The following ITGA8 variants were observed in gnomAD, a reference collection of about 807,000 sequenced individuals.
The protein encoded by ITGA8 is integrin alpha-8.
Under a neutral mutation model 142.3 loss-of-function variants are expected in ITGA8, and 91 were observed. The observed-to-expected ratio is 0.64, with a 90% CI of 0.54 to 0.76. ITGA8 has a LOEUF of 0.76. Ranked by LOEUF, ITGA8 falls within the 30% of genes least tolerant of loss-of-function variation. The pLI, the probability that ITGA8 is intolerant of heterozygous loss-of-function variation, is 0.00. For missense variants in ITGA8, 1,406 were observed against 1,327.7 expected (o/e 1.06, Z -0.92); for synonymous variants, 505 against 485.2 (o/e 1.04, Z -0.54).
At chr10:15,641,036 T>G (rs551958238) in intron 13 of ITGA8, among the ~76,000 whole-genome samples, 75 of 152,102 alleles carry the variant, frequency 4.9e-4, no homozygotes, top group African/African-American at 1.8e-3. Context: ...CTTGGGAGGG[T>G]AGCTACACAG....
At chr10:15,704,499 C>T (rs1248829102) in intron 2 of ITGA8, among the ~76,000 whole-genome samples, 1 of 152,164 alleles carries the variant, frequency 6.6e-6, no homozygotes, top group Admixed American at 6.5e-5. Context: ...CTCTCAACCA[C>T]GATGGTTTTC....
Position 15,519,315 on chromosome 10 carries a change from G to T in ITGA8, c.3080C>A (p.Ala1027Asp). Residue 1027 changes from alanine (A) to aspartate (D), a missense_variant, in exon 29 of 30, where the codon GCC becomes GAC. Coordinates refer to ENST00000378076, the MANE Select transcript of ITGA8 (RefSeq NM_003638.3). ...LAILLGLLVL[A>D]ILTLALWKCG... ...CTTCCATAAAGCTAAGGTTAAAATG[G>T]CGAGAACCAACAATCCAAGAAGTAT... The T allele has an allele frequency of 6.2e-7, 1 of 1,613,626 alleles. No individual in the cohort carries two copies.
intron 2 of ITGA8, among the ~76,000 whole-genome samples, chr10:15,699,758 C>T (rs568621967): frequency 6.6e-6 from 1 of 152,306 alleles, no homozygotes; most frequent in South Asian, 2.1e-4. Flanking sequence ...AACTGATCTC[C>T]AAAGTAGCTA....
At chr10:15,631,256 C>T (rs1368490562) in intron 13 of ITGA8, among the ~76,000 whole-genome samples, 3 of 151,964 alleles carry the variant, frequency 2.0e-5, no homozygotes, top group Non-Finnish European at 4.4e-5. Context: ...ACTATAAAGA[C>T]ACATGCACAC....
chr10:15,706,454 A>AT (rs1411257835), intron 2 of ITGA8, among the ~76,000 whole-genome samples: 3 of 151,730 alleles, frequency 2.0e-5, no homozygotes, highest in South Asian at 2.1e-4. Flanking sequence ...AAGCTGATCC[A>AT]TTTTTTTCCC....
intron 2 of ITGA8, among the ~76,000 whole-genome samples, chr10:15,702,103 C>T (rs186825432): frequency 2.0e-5 from 3 of 151,990 alleles, no homozygotes; most frequent in Non-Finnish European, 4.4e-5. Flanking sequence ...TCTGAAAAAC[C>T]TTTAAAGAAT....
At chr10:15,658,758 T>C (rs368626060) in intron 10 of ITGA8, among the ~76,000 whole-genome samples, 6 of 152,302 alleles carry the variant, frequency 3.9e-5, no homozygotes, top group African/African-American at 1.4e-4. Flanking sequence ...ATCATGGACA[T>C]TTATTTGCTT....
chr10:15,635,205 C>A (rs1031578428), intron 13 of ITGA8, among the ~76,000 whole-genome samples: 3 of 151,916 alleles, frequency 2.0e-5, no homozygotes, highest in African/African-American at 7.3e-5. Context: ...CAGGGTTTCA[C>A]CATGTTGGCC....
At chr10:15,679,011 A>G (rs919870150) in intron 4 of ITGA8, among the ~76,000 whole-genome samples, 4 of 152,218 alleles carry the variant, frequency 2.6e-5, no homozygotes, top group East Asian at 1.9e-4. Flanking sequence ...GATCAACAGG[A>G]ATAACATCCC....
In ITGA8 at chr10:15,519,414, T is replaced by G. The variant is rs2131530157; in HGVS notation, c.2983-2A>C. On this transcript the variant is annotated splice_acceptor_variant, in intron 28 of 29. Coordinates refer to ENST00000378076, the MANE Select transcript of ITGA8 (RefSeq NM_003638.3). LOFTEE classifies it high-confidence loss of function. ...TGCCCAAATAACTGATGTCTTAATC[T>G]GAAATGGAAAACAAAGCAAATGAGC... The G allele has an allele frequency of 1.2e-6, 2 of 1,613,380 alleles. No individual in the cohort carries two copies. Among genetic ancestry groups the G allele is most frequent in the Admixed American group, 3.3e-5 (2 of 59,918 alleles).
At chr10:15,694,658 A>G (rs1292870619) in intron 2 of ITGA8, among the ~76,000 whole-genome samples, 1 of 87,742 alleles carries the variant, frequency 1.1e-5, no homozygotes, top group Non-Finnish European at 2.3e-5. Flanking sequence ...TTTAATATAT[A>G]TTATATCTAT....
chr10:15,598,967 C>T (rs1052529988), intron 20 of ITGA8, among the ~76,000 whole-genome samples: 2 of 152,154 alleles, frequency 1.3e-5, no homozygotes, highest in Admixed American at 6.5e-5. Flanking sequence ...TACAGAGATG[C>T]TTTGTGTTGG....
chr10:15,658,668 A>G (rs1834230916), intron 10 of ITGA8, among the ~76,000 whole-genome samples: 2 of 152,162 alleles, frequency 1.3e-5, no homozygotes. Flanking sequence ...CACCCCATCC[A>G]AAGGCTTCCT....
At chr10:15,551,526 G>A (rs1833792927) in intron 26 of ITGA8, among the ~76,000 whole-genome samples, 1 of 152,130 alleles carries the variant, frequency 6.6e-6, no homozygotes, top group African/African-American at 2.4e-5. Flanking sequence ...TTGGAGAGGA[G>A]GAGATGGAGG....
Position 15,549,201 on chromosome 10 carries a change from G to GTTTTTTT in ITGA8, c.2767-640_2767-634dup, listed in dbSNP as rs67683436. ...TTCTTTCTTTTTTCTTTTCTTTTCT[G>GTTTTTTT]TTTTTTTTTTTTTTTTTTTTTTTTT... On this transcript the variant is annotated intron_variant, in intron 26 of 29. Coordinates refer to ENST00000378076, the MANE Select transcript of ITGA8 (RefSeq NM_003638.3). Among the ~76,000 whole-genome samples, 42 of 107,326 alleles carry GTTTTTTT rather than the reference G, an allele frequency of 3.9e-4. 5 individuals carry two copies. Among genetic ancestry groups the GTTTTTTT allele is most frequent in the African/African-American group, 2.2e-3 (41 of 18,662 alleles). 70.4% of individuals were successfully genotyped at this position (107,326 alleles called of 152,430 possible). A position where few individuals can be genotyped will look rare whatever the true frequency, so the allele number is the denominator to read the frequency against.
intron 2 of ITGA8, among the ~76,000 whole-genome samples, chr10:15,703,684 A>G (rs1835206343): frequency 6.6e-6 from 1 of 152,210 alleles, no homozygotes; most frequent in Non-Finnish European, 1.5e-5. Context: ...ATCTTCTGCA[A>G]CTGACTTCAC....
Position 15,517,364 on chromosome 10 carries a change from C to T in ITGA8, c.3106-120G>A, listed in dbSNP as rs776271602. On this transcript the variant is annotated intron_variant, in intron 29 of 29. Coordinates refer to ENST00000378076, the MANE Select transcript of ITGA8 (RefSeq NM_003638.3). ...TTTAAACTGAGTCTCGCTCTCTATT[C>T]CCCAGGCTGGAGTACAGTGGCGTGA... 9 of 572,290 alleles carry T rather than the reference C, an allele frequency of 1.6e-5. No individual in the cohort carries two copies. The African/African-American group carries it at 1.8e-4, about 11-fold the overall frequency. 35.5% of individuals were successfully genotyped at this position (572,290 alleles called of 1,614,324 possible).
At position 15,690,948 on chromosome 10, in the gene ITGA8, C is replaced by T. The variant is rs140256440; in HGVS notation, c.344-2910G>A. Among the ~76,000 whole-genome samples the T allele has an allele frequency of 4.4e-3, 667 of 152,154 alleles. 1 individual carries two copies. Among genetic ancestry groups the T allele is most frequent in the Non-Finnish European group, 7.3e-3 (495 of 67,998 alleles). On this transcript the variant is annotated intron_variant, in intron 2 of 29. Coordinates refer to ENST00000378076, the MANE Select transcript of ITGA8 (RefSeq NM_003638.3). ...TGGGAGAAAATATTTGCAAACTATA[C>T]GTACATAAGGGGCTAACATCTAAAA...
intron 2 of ITGA8, among the ~76,000 whole-genome samples, chr10:15,691,188 A>T (rs1220381816): frequency 6.6e-6 from 1 of 152,206 alleles, no homozygotes; most frequent in Non-Finnish European, 1.5e-5. Context: ...AAGACAAAAG[A>T]TAACAAGTGT....
Sources: gnomAD v4.1 joint callset for allele counts (sites outside exome capture counted in the v4.1 genomes callset) on GRCh38, gnomAD v4.1.1 for gene constraint, MANE v1.5 for transcripts, NCBI Gene and HGNC (gene_info 2026-07-23, HGNC 2026-07-21) for gene names.